The following EBF1 variants were observed in gnomAD, a reference collection of about 807,000 sequenced individuals.
EBF1 encodes transcription factor COE1.
EBF1 carries 10 observed loss-of-function variants against 68.4 expected under a neutral mutation model. The ratio of observed to expected loss-of-function variants is 0.15; its 90% CI spans 0.09 to 0.25. EBF1 has a LOEUF of 0.25. EBF1 is among the 10% of genes least tolerant of loss of function. The probability of loss-of-function intolerance (pLI) is 1.00; values close to 1 mark genes in which losing one functional copy is unlikely to be tolerated. For missense variants in EBF1, 509 were observed against 794.4 expected, an observed-to-expected ratio of 0.64 and a Z score of 4.32; for synonymous variants, 298 against 299.8, an observed-to-expected ratio of 0.99 and a Z score of 0.06.
chr5:158,708,195 G>T, intron 14 of EBF1, 22 bp from the exon 15 acceptor site: 1 of 1,559,454 alleles, frequency 6.4e-7, no homozygotes, highest in South Asian at 1.2e-5. Context: ...AATGAGAAAG[G>T]AGAAATCAGT....
intron 6 of EBF1, among the ~76,000 whole-genome samples, chr5:159,057,585 GC>G (rs1775011491): frequency 6.6e-6 from 1 of 152,166 alleles, no homozygotes; most frequent in African/African-American, 2.4e-5. Context: ...GACCCAGATG[GC>G]CCAGAGTAGT....
chr5:158,836,326 G>T (rs1426801214), intron 7 of EBF1, among the ~76,000 whole-genome samples: 2 of 152,210 alleles, frequency 1.3e-5, no homozygotes, highest in Non-Finnish European at 2.9e-5. Context: ...TATAAAATGG[G>T]GAAAGATCTG....
intron 10 of EBF1, among the ~76,000 whole-genome samples, chr5:158,761,968 C>T (rs150676853): frequency 3.8e-4 from 58 of 152,192 alleles, no homozygotes; most frequent in African/African-American, 1.3e-3. Context: ...GTAACATGTA[C>T]TTAATAATGC....
intron 8 of EBF1, among the ~76,000 whole-genome samples, chr5:158,819,032 A>C (rs1226274680): frequency 6.6e-6 from 1 of 152,138 alleles, no homozygotes; most frequent in Non-Finnish European, 1.5e-5. Flanking sequence ...GAACGTGCTC[A>C]CATTTCTCTA....
chr5:158,730,675 T>C (rs1007962401), intron 11 of EBF1, among the ~76,000 whole-genome samples: 1 of 152,224 alleles, frequency 6.6e-6, no homozygotes, highest in African/African-American at 2.4e-5. Context: ...CTTTTGAGAA[T>C]TGGTAAGATG....
intron 6 of EBF1, among the ~76,000 whole-genome samples, chr5:158,887,282 A>G (rs558129833): frequency 6.6e-6 from 1 of 152,222 alleles, no homozygotes; most frequent in Non-Finnish European, 1.5e-5. Flanking sequence ...GCTGAATTAT[A>G]ACAGCCAAGC....
intron 6 of EBF1, among the ~76,000 whole-genome samples, chr5:159,046,761 C>T (rs1772484699): frequency 6.6e-6 from 1 of 152,220 alleles, no homozygotes; most frequent in African/African-American, 2.4e-5. Flanking sequence ...AGATTCATGA[C>T]TGGCAGGATC....
intron 8 of EBF1, among the ~76,000 whole-genome samples, chr5:158,822,394 C>T (rs912854227): frequency 6.6e-6 from 1 of 152,096 alleles, no homozygotes; most frequent in African/African-American, 2.4e-5. Flanking sequence ...TACACACACA[C>T]ATGCAGCACT....
intron 10 of EBF1, among the ~76,000 whole-genome samples, chr5:158,749,197 A>G (rs1768226142): frequency 6.6e-6 from 1 of 152,158 alleles, no homozygotes; most frequent in South Asian, 2.1e-4. Context: ...TAATAAAGAC[A>G]TCATTTACAA....
chr5:158,906,304 GAA>G (rs1238469759), intron 6 of EBF1, among the ~76,000 whole-genome samples: 2 of 90,486 alleles, frequency 2.2e-5, no homozygotes, highest in Non-Finnish European at 4.3e-5. Context: ...TGGCAATGCA[GAA>G]AAAAAAAAAA....
At chr5:158,768,562 C>T (rs1170257453) in intron 10 of EBF1, among the ~76,000 whole-genome samples, 3 of 151,936 alleles carry the variant, frequency 2.0e-5, no homozygotes, top group East Asian at 1.9e-4. Flanking sequence ...ATTGGTGCTT[C>T]CTAAATGATC....
chr5:158,756,931 T>C (rs1279644252), intron 10 of EBF1, among the ~76,000 whole-genome samples: 2 of 149,280 alleles, frequency 1.3e-5, no homozygotes, highest in Admixed American at 1.3e-4. Flanking sequence ...AAGACAAAGT[T>C]AGTGGAGCCT....
intron 6 of EBF1, among the ~76,000 whole-genome samples, chr5:158,845,926 T>C (rs1582493824): frequency 6.6e-6 from 1 of 152,226 alleles, no homozygotes; most frequent in East Asian, 1.9e-4. Flanking sequence ...CAATCTGGGC[T>C]GAGCAGGTTG....
At chr5:158,807,719 C>T (rs904297226) in intron 8 of EBF1, among the ~76,000 whole-genome samples, 8 of 152,122 alleles carry the variant, frequency 5.3e-5, no homozygotes, top group Non-Finnish European at 1.0e-4. Context: ...CTGATCTTTA[C>T]GTCTTCTCCC....
At chr5:158,853,244 A>G (rs1174585474) in intron 6 of EBF1, among the ~76,000 whole-genome samples, 1 of 152,222 alleles carries the variant, frequency 6.6e-6, no homozygotes, top group East Asian at 1.9e-4. Flanking sequence ...CTCATTCCAC[A>G]CTTGGACCAA....
chr5:159,086,346 A>G (rs2127986620), intron 4 of EBF1, among the ~76,000 whole-genome samples: 1 of 152,304 alleles, frequency 6.6e-6, no homozygotes, highest in East Asian at 1.9e-4. Context: ...GAAAATTAAC[A>G]TTGATACAAT....
At chr5:158,903,652 T>C (rs1014540503) in intron 6 of EBF1, among the ~76,000 whole-genome samples, 2 of 152,194 alleles carry the variant, frequency 1.3e-5, no homozygotes, top group Non-Finnish European at 2.9e-5. Flanking sequence ...GGCTGATTAA[T>C]TTTCAAAGTG....
chr5:158,989,723 C>T (rs1445919963), intron 6 of EBF1, among the ~76,000 whole-genome samples: 2 of 150,732 alleles, frequency 1.3e-5, no homozygotes, highest in African/African-American at 2.4e-5. Flanking sequence ...AGGTCAAGTG[C>T]CTATCACAGC....
At chr5:158,908,898 G>A (rs755375439) in intron 6 of EBF1, among the ~76,000 whole-genome samples, 6 of 152,120 alleles carry the variant, frequency 3.9e-5, no homozygotes, top group East Asian at 1.9e-4. Flanking sequence ...CTGTCCAGCC[G>A]GGCTGTGGTC....
Sources: allele counts gnomAD v4.1 joint callset (sites outside exome capture counted in the v4.1 genomes callset), GRCh38; gene constraint gnomAD v4.1.1; transcripts MANE v1.5; gene names NCBI Gene and HGNC (gene_info 2026-07-23, HGNC 2026-07-21).